CNTNAP2: variants seen among roughly 807,000 people sequenced by gnomAD.
The protein encoded by CNTNAP2 is contactin associated protein 2, also known as contactin-associated protein-like 2.
A neutral mutation model predicts 155.2 loss-of-function variants in CNTNAP2; 98 were observed. The ratio of observed to expected loss-of-function variants is 0.63; its 90% CI spans 0.54 to 0.75. The LOEUF (loss-of-function observed/expected upper bound fraction) is 0.75, where lower values mean the gene tolerates loss of function less well. Among genes scored for constraint, CNTNAP2 ranks in the 30% least tolerant of loss-of-function variants. CNTNAP2 has a pLI of 0.00. For synonymous variants in CNTNAP2, 651 were observed against 631.2 expected, an observed-to-expected ratio of 1.03 and a Z score of -0.47; for missense variants, 1,727 against 1,688.1, an observed-to-expected ratio of 1.02 and a Z score of -0.40.
chr7:146,669,988 A>G (rs911712114), intron 1 of CNTNAP2, among the ~76,000 whole-genome samples: 3 of 152,156 alleles, frequency 2.0e-5, no homozygotes, highest in Non-Finnish European at 4.4e-5. Context: ...AAGAACATAC[A>G]TTAATGTTTT....
At chr7:146,697,531 G>A (rs748696365) in intron 1 of CNTNAP2, among the ~76,000 whole-genome samples, 18 of 152,118 alleles carry the variant, frequency 1.2e-4, no homozygotes, top group African/African-American at 3.1e-4. Flanking sequence ...GAGCCACCAC[G>A]CTTGGCCCTT....
intron 10 of CNTNAP2, among the ~76,000 whole-genome samples, chr7:147,443,823 T>C (rs1405021511): frequency 6.6e-6 from 1 of 152,200 alleles, no homozygotes; most frequent in Admixed American, 6.5e-5. Context: ...ATAATCCAAA[T>C]ACAGTGTTCA....
intron 1 of CNTNAP2, among the ~76,000 whole-genome samples, chr7:146,734,131 C>T (rs561080099): frequency 6.6e-6 from 1 of 152,006 alleles, no homozygotes; most frequent in Non-Finnish European, 1.5e-5. Flanking sequence ...TTTCCATTAC[C>T]CAGTACTAAT....
chr7:146,188,429 C>T (rs1368474690), intron 1 of CNTNAP2, among the ~76,000 whole-genome samples: 2 of 152,126 alleles, frequency 1.3e-5, no homozygotes, highest in South Asian at 2.1e-4. Context: ...GGCAGTTGCA[C>T]GCCCTAAGCA....
rs190744853 is a variant in CNTNAP2 at position 147,975,061 on chromosome 7, T to C, written c.2256-2801T>C. Among the ~76,000 whole-genome samples the C allele has an allele frequency of 2.5e-3, 374 of 151,444 alleles. 1 individual carries two copies. Among genetic ancestry groups the C allele is most frequent in the African/African-American group, 8.7e-3 (359 of 41,324 alleles). On this transcript the variant is annotated intron_variant, in intron 14 of 23. Transcript: ENST00000361727. The stretch of plus-strand genomic sequence containing the variant: ...ATTTTTTGTATTACGTATAATACAA[T>C]TTTTTGTATTATGTATAATACAATT...
intron 1 of CNTNAP2, among the ~76,000 whole-genome samples, chr7:146,635,660 C>G (rs989631672): frequency 6.6e-6 from 1 of 152,142 alleles, no homozygotes; most frequent in African/African-American, 2.4e-5. Context: ...GTCTGTTCCA[C>G]TCACAGCAAA....
chr7:147,790,492 A>G (rs1797802935), intron 13 of CNTNAP2, among the ~76,000 whole-genome samples: 1 of 152,184 alleles, frequency 6.6e-6, no homozygotes, highest in Non-Finnish European at 1.5e-5. Flanking sequence ...TCCCTGCTAA[A>G]AGGAAACCTG....
chr7:146,512,861 G>C (rs751925385), intron 1 of CNTNAP2, among the ~76,000 whole-genome samples: 2 of 151,878 alleles, frequency 1.3e-5, no homozygotes, highest in Non-Finnish European at 2.9e-5. Context: ...CTGTCTGGAT[G>C]ATCTGTCCAT....
chr7:146,440,968 C>A (rs1361786304), intron 1 of CNTNAP2, among the ~76,000 whole-genome samples: 4 of 151,606 alleles, frequency 2.6e-5, no homozygotes, highest in Admixed American at 2.6e-4. Context: ...ACAGTTCATT[C>A]TTGTTCCCAC....
In CNTNAP2 at chr7:148,343,494, A is replaced by T. The variant is rs770263188; in HGVS notation, c.3476-40155A>T. Among the ~76,000 whole-genome samples the T allele has an allele frequency of 1.4e-3, 208 of 152,242 alleles. 5 individuals carry two copies. The highest frequency in any genetic ancestry group is 3.4e-3 in the Middle Eastern group (1 of 294). On this transcript the variant is annotated intron_variant, in intron 21 of 23. Transcript: ENST00000361727. ...CCACCTTCCTTTCTTCGATTTGAAT[A>T]TTTTCTGTAGTTGCTCCATTAATCA...
chr7:147,534,137 C>G (rs1212953121), intron 11 of CNTNAP2, among the ~76,000 whole-genome samples: 1 of 152,144 alleles, frequency 6.6e-6, no homozygotes, highest in African/African-American at 2.4e-5. Context: ...TTTTGACCCC[C>G]AGGTGACATT....
chr7:147,639,311 G>C lies in CNTNAP2; in HGVS notation c.2098+5G>C. The C allele has an allele frequency of 1.9e-6, 3 of 1,613,408 alleles. No homozygotes were observed. The African/African-American group carries it at 4.0e-5, about 22-fold the overall frequency. ...CAAGATTGTTGAACACCCCAGGTAGGCTGAGAATGGAATGTTACTTTTAAT... is the reference window on the plus strand; with the variant it reads ...CAAGATTGTTGAACACCCCAGGTAGCCTGAGAATGGAATGTTACTTTTAAT... On this transcript the variant is annotated splice_donor_5th_base_variant and intron_variant, in intron 13 of 23. Coordinates refer to ENST00000361727, the MANE Select transcript of CNTNAP2 (RefSeq NM_014141.6).
At position 148,330,460 on chromosome 7, in the gene CNTNAP2, G is replaced by A. The variant is rs775941435; in HGVS notation, c.3476-53189G>A. On this transcript the variant is annotated intron_variant, in intron 21 of 23. Coordinates refer to ENST00000361727, the MANE Select transcript of CNTNAP2 (RefSeq NM_014141.6). ...GAGCAGACGGGTGGAGCAGAGGGATGGAGTGGATGGATGAAGTGGACGGAT... is the reference window on the plus strand; with the variant it reads ...GAGCAGACGGGTGGAGCAGAGGGATAGAGTGGATGGATGAAGTGGACGGAT... 2.1e-4 allele frequency among the ~76,000 whole-genome samples: 32 copies of A among 151,008 alleles called. 1 individual carries two copies. Among genetic ancestry groups the A allele is most frequent in the South Asian group, 1.5e-3 (7 of 4,780 alleles).
intron 3 of CNTNAP2, among the ~76,000 whole-genome samples, chr7:146,904,387 A>G (rs908603656): frequency 1.3e-4 from 20 of 152,192 alleles, no homozygotes; most frequent in Admixed American, 4.6e-4. Flanking sequence ...GCAGGTTTAC[A>G]TAATACTGTA....
intron 3 of CNTNAP2, among the ~76,000 whole-genome samples, chr7:146,998,395 C>T (rs1484980819): frequency 5.3e-5 from 8 of 151,912 alleles, no homozygotes; most frequent in Admixed American, 6.6e-5. Flanking sequence ...TGAAAAGATA[C>T]GTGATATGAC....
chr7:147,595,806 T>C lies in CNTNAP2; in HGVS notation c.1897+33549T>C, dbSNP rs922736224. Reference sequence around the variant, plus strand: ...TCTGGAGTAGAGAGGTTGGTGACTATGCAGTAAGGATACACTGTGTCTAAC... The same window carrying C: ...TCTGGAGTAGAGAGGTTGGTGACTACGCAGTAAGGATACACTGTGTCTAAC... On this transcript the variant is annotated intron_variant, in intron 12 of 23. Coordinates refer to ENST00000361727, the MANE Select transcript of CNTNAP2 (RefSeq NM_014141.6). 1.1e-4 allele frequency among the ~76,000 whole-genome samples: 16 copies of C among 152,222 alleles called. 1 individual carries two copies. The highest frequency in any genetic ancestry group is 9.8e-4 in the Admixed American group (15 of 15,278).
At chr7:146,334,652 T>C (rs1801245036) in intron 1 of CNTNAP2, among the ~76,000 whole-genome samples, 1 of 152,136 alleles carries the variant, frequency 6.6e-6, no homozygotes, top group South Asian at 2.1e-4. Context: ...CCTGTAGATA[T>C]CCATTTCTCC....
intron 15 of CNTNAP2, chr7:148,014,414 T>C (rs1230302867): frequency 6.6e-6 from 1 of 152,144 alleles, no homozygotes; most frequent in Non-Finnish European, 1.5e-5. Context: ...AGAAGGGGCA[T>C]TTGATGAATG....
At chr7:147,553,607 T>G (rs1799894312) in intron 11 of CNTNAP2, among the ~76,000 whole-genome samples, 2 of 152,114 alleles carry the variant, frequency 1.3e-5, no homozygotes, top group Admixed American at 1.3e-4. Flanking sequence ...AGAGCTAGGA[T>G]TTATGACTTT....
Sources: allele counts gnomAD v4.1 joint callset (sites outside exome capture counted in the v4.1 genomes callset), GRCh38; gene constraint gnomAD v4.1.1; transcripts MANE v1.5; gene names NCBI Gene and HGNC (gene_info 2026-07-23, HGNC 2026-07-21).